Variants in SGCZ observed in about 807,000 individuals in gnomAD.
The protein encoded by SGCZ is zeta-sarcoglycan.
SGCZ carries 40 observed loss-of-function variants against 41.3 expected under a neutral mutation model. That is an observed-to-expected ratio of 0.97 (90% confidence interval 0.75 to 1.26). The LOEUF (loss-of-function observed/expected upper bound fraction) is 1.26, where lower values mean the gene tolerates loss of function less well. SGCZ is among the 50% of genes most tolerant of loss of function. SGCZ has a pLI of 0.00. For missense variants in SGCZ, 552 were observed against 369.8 expected, an observed-to-expected ratio of 1.49 and a Z score of -4.04; for synonymous variants, 206 against 137.5, an observed-to-expected ratio of 1.50 and a Z score of -3.49.
chr8:14,485,833 AT>A (rs71209049), intron 2 of SGCZ, among the ~76,000 whole-genome samples: 28,312 of 103,146 alleles, frequency 0.27, 2,503 homozygotes, highest in African/African-American at 0.36. Flanking sequence ...CTCTAGAACA[AT>A]TTTTTTTTTT....
intron 1 of SGCZ, among the ~76,000 whole-genome samples, chr8:15,002,252 G>T (rs1290839109): frequency 5.3e-5 from 8 of 150,910 alleles, no homozygotes; most frequent in African/African-American, 1.7e-4. Flanking sequence ...CTAGTGCAGT[G>T]ATATTTGCCT....
chr8:15,139,678 T>G (rs1029420475), intron 1 of SGCZ, among the ~76,000 whole-genome samples: 4 of 152,116 alleles, frequency 2.6e-5, no homozygotes, highest in African/African-American at 9.7e-5. Flanking sequence ...CATAAAATAT[T>G]TTAACTATAG....
intron 1 of SGCZ, among the ~76,000 whole-genome samples, chr8:15,188,011 A>T (rs893802070): frequency 1.3e-5 from 2 of 152,050 alleles, no homozygotes; most frequent in African/African-American, 2.4e-5. Context: ...ATTGAAACAT[A>T]TATGTAACAA....
chr8:14,285,769 G>T (rs188950487), intron 3 of SGCZ, among the ~76,000 whole-genome samples: 1 of 152,022 alleles, frequency 6.6e-6, no homozygotes, highest in African/African-American at 2.4e-5. Flanking sequence ...GTTAGTGTAC[G>T]AGAAACAAAT....
At chr8:14,104,430 A>T (rs201459982) in intron 6 of SGCZ, among the ~76,000 whole-genome samples, 35 of 27,796 alleles carry the variant, frequency 1.3e-3, no homozygotes, top group Non-Finnish European at 2.9e-3. Context: ...CTATCAAATT[A>T]AAAAAAAAAT....
chr8:15,032,784 A>T (rs1357252145), intron 1 of SGCZ, among the ~76,000 whole-genome samples: 2 of 151,982 alleles, frequency 1.3e-5, no homozygotes, highest in Non-Finnish European at 2.9e-5. Context: ...GTACCAGGTC[A>T]GCTCCTACAG....
chr8:15,172,179 T>TTTTG lies in SGCZ; in HGVS notation c.39+65405_39+65406insCAAA, dbSNP rs1355966928. Among the ~76,000 whole-genome samples the TTTTG allele has an allele frequency of 7.5e-3, 1,067 of 142,236 alleles. 14 individuals carry two copies. Among genetic ancestry groups the TTTTG allele is most frequent in the Non-Finnish European group, 0.013 (861 of 65,554 alleles). The allele number at this position is 142,236 out of a possible 152,430, so 93.3% of individuals were successfully genotyped here. ...GTTTTTTTTTTTTTTTTTTTTTTTT[T>TTTTG]GAGACGGAGTTTCGCTCTGTCGCCC... On this transcript the variant is annotated intron_variant, in intron 1 of 7. Coordinates refer to ENST00000382080, the MANE Select transcript of SGCZ (RefSeq NM_139167.4).
chr8:15,232,264 T>C (rs778945622), intron 1 of SGCZ, among the ~76,000 whole-genome samples: 3 of 152,190 alleles, frequency 2.0e-5, no homozygotes, highest in Non-Finnish European at 2.9e-5. Flanking sequence ...TATTATCTTA[T>C]AGCAGTAAGC....
At chr8:14,094,946 G>A (rs184891275) in intron 7 of SGCZ, among the ~76,000 whole-genome samples, 121 of 150,940 alleles carry the variant, frequency 8.0e-4, no homozygotes, top group African/African-American at 2.8e-3. Flanking sequence ...TTGGACAAGT[G>A]TCTGTTCATA....
chr8:14,234,140 T>G (rs1324464846), intron 4 of SGCZ, among the ~76,000 whole-genome samples: 1 of 152,106 alleles, frequency 6.6e-6, no homozygotes, highest in Non-Finnish European at 1.5e-5. Context: ...CAAATTGATT[T>G]TTCTACCTAA....
At chr8:14,189,700 C>T (rs1245011568) in intron 4 of SGCZ, among the ~76,000 whole-genome samples, 1 of 152,188 alleles carries the variant, frequency 6.6e-6, no homozygotes. Context: ...CCTTACCTGA[C>T]CATGATATCT....
intron 3 of SGCZ, among the ~76,000 whole-genome samples, chr8:14,314,248 G>C (rs1470113911): frequency 6.6e-6 from 1 of 151,858 alleles, no homozygotes; most frequent in Non-Finnish European, 1.5e-5. Flanking sequence ...ACTTCAAACT[G>C]TCTCCCAGTT....
At position 14,193,299 on chromosome 8, in the gene SGCZ, A is replaced by G. The variant is rs73526178; in HGVS notation, c.425-28597T>C. Among the ~76,000 whole-genome samples, 542 of 150,180 alleles carry G rather than the reference A, an allele frequency of 3.6e-3. 4 individuals are homozygous for G. The highest frequency in any genetic ancestry group is 0.012 in the African/African-American group (510 of 40,980). ...TTTTTAGCAGAGGCAAGCACAAATCATCATCTCCCTCTTTCCTATAAAAAA... is the reference window on the plus strand; with the variant it reads ...TTTTTAGCAGAGGCAAGCACAAATCGTCATCTCCCTCTTTCCTATAAAAAA... On this transcript the variant is annotated intron_variant, in intron 4 of 7. Coordinates refer to ENST00000382080, the MANE Select transcript of SGCZ (RefSeq NM_139167.4).
At chr8:14,626,045 G>A (rs115334197) in intron 1 of SGCZ, among the ~76,000 whole-genome samples, 1 of 152,096 alleles carries the variant, frequency 6.6e-6, no homozygotes, top group East Asian at 1.9e-4. Flanking sequence ...GAGGAATAGT[G>A]GCTTTTATCC....
intron 1 of SGCZ, among the ~76,000 whole-genome samples, chr8:14,859,011 T>A (rs1003378792): frequency 3.3e-5 from 5 of 152,156 alleles, no homozygotes; most frequent in African/African-American, 9.6e-5. Context: ...AATATTCATA[T>A]CTGAATAACT....
At chr8:14,926,277 G>T (rs1420031202) in intron 1 of SGCZ, among the ~76,000 whole-genome samples, 2 of 151,980 alleles carry the variant, frequency 1.3e-5, no homozygotes, top group Admixed American at 6.6e-5. Context: ...AATAATAAAA[G>T]ATCATCGAAA....
At chr8:15,206,726 C>T (rs1013434697) in intron 1 of SGCZ, among the ~76,000 whole-genome samples, 2 of 152,042 alleles carry the variant, frequency 1.3e-5, no homozygotes, top group African/African-American at 2.4e-5. Flanking sequence ...AGATTACAGG[C>T]GTGAGCCACT....
At chr8:14,516,658 T>C (rs1563380255) in intron 2 of SGCZ, among the ~76,000 whole-genome samples, 1 of 152,072 alleles carries the variant, frequency 6.6e-6, no homozygotes, top group Non-Finnish European at 1.5e-5. Context: ...AAGCATCCCA[T>C]AAAGTTGATT....
At chr8:14,163,613 A>C (rs1320506226) in intron 5 of SGCZ, among the ~76,000 whole-genome samples, 1 of 152,082 alleles carries the variant, frequency 6.6e-6, no homozygotes, top group Non-Finnish European at 1.5e-5. Flanking sequence ...TTGACCACTA[A>C]AGTTATTATC....
Sources: gnomAD v4.1 joint callset for allele counts (sites outside exome capture counted in the v4.1 genomes callset) on GRCh38, gnomAD v4.1.1 for gene constraint, MANE v1.5 for transcripts, NCBI Gene and HGNC (gene_info 2026-07-23, HGNC 2026-07-21) for gene names.